KSR2: variants seen among roughly 807,000 people sequenced by gnomAD.
The protein encoded by KSR2 is kinase suppressor of ras 2.
KSR2 carries 25 observed loss-of-function variants against 107.8 expected under a neutral mutation model. The observed-to-expected ratio is 0.23, with a 90% CI of 0.17 to 0.32. The LOEUF is 0.32. KSR2 is among the 10% of genes least tolerant of loss of function. The probability of loss-of-function intolerance (pLI) is 1.00; values close to 1 mark genes in which losing one functional copy is unlikely to be tolerated. For synonymous variants in KSR2, 480 were observed against 507.0 expected, an observed-to-expected ratio of 0.95 and a Z score of 0.71; for missense variants, 887 against 1,268.9, an observed-to-expected ratio of 0.70 and a Z score of 4.57.
rs971228027 is a variant in KSR2 at position 117,578,997 on chromosome 12, A to G, written c.1325+122T>C. 4 of 744,414 alleles carry G rather than the reference A, an allele frequency of 5.4e-6. No homozygotes were observed. In the Admixed American group the frequency reaches 6.6e-5, roughly 12 times the overall value. The allele number at this position is 744,414 out of a possible 1,614,324, so 46.1% of individuals were successfully genotyped here. A position where few individuals can be genotyped will look rare whatever the true frequency, so the allele number is the denominator to read the frequency against. ...GTGCATTTCCAATCTATTTCTGAAA[A>G]ACAAAGCAAACAACTCTCCCAAGAG... On this transcript the variant is annotated intron_variant, in intron 7 of 19. Coordinates refer to ENST00000339824, the MANE Select transcript of KSR2 (RefSeq NM_173598.6).
intron 3 of KSR2, among the ~76,000 whole-genome samples, chr12:117,835,455 G>C (rs1003078686): frequency 1.4e-4 from 21 of 152,110 alleles, no homozygotes; most frequent in African/African-American, 4.8e-4. Flanking sequence ...GGTTTTCTGT[G>C]CTTTACAGAA....
chr12:117,558,154 A>C (rs1592991290), intron 8 of KSR2, among the ~76,000 whole-genome samples: 1 of 152,170 alleles, frequency 6.6e-6, no homozygotes, highest in African/African-American at 2.4e-5. Flanking sequence ...ATGGAAAAAC[A>C]CCCAGCCAGT....
chr12:117,946,666 A>G (rs1252144311), intron 1 of KSR2, among the ~76,000 whole-genome samples: 1 of 152,164 alleles, frequency 6.6e-6, no homozygotes, highest in African/African-American at 2.4e-5. Context: ...AGGCAGTACA[A>G]AAAAGGAAAA....
intron 3 of KSR2, among the ~76,000 whole-genome samples, chr12:117,800,380 G>GCC (rs780651596): frequency 6.6e-6 from 1 of 151,548 alleles, no homozygotes; most frequent in African/African-American, 2.4e-5. Context: ...TAATTATTCT[G>GCC]CCCCCCCCAA....
At chr12:117,793,928 A>AC (rs1333398244) in intron 3 of KSR2, among the ~76,000 whole-genome samples, 1 of 140,108 alleles carries the variant, frequency 7.1e-6, no homozygotes, top group Non-Finnish European at 1.5e-5. Context: ...ATGCACACAC[A>AC]CCATGCACAC....
intron 1 of KSR2, among the ~76,000 whole-genome samples, chr12:117,930,324 G>A (rs541954417): frequency 8.5e-5 from 13 of 152,176 alleles, no homozygotes; most frequent in East Asian, 7.7e-4. Context: ...ATGAGCCACC[G>A]CACCCAGCCA....
chr12:117,809,210 A>C (rs1257396964), intron 3 of KSR2, among the ~76,000 whole-genome samples: 1 of 152,234 alleles, frequency 6.6e-6, no homozygotes, highest in African/African-American at 2.4e-5. Context: ...AGAGGGGCTT[A>C]GATGTGCTGT....
At chr12:117,747,057 T>C (rs1888434577) in intron 4 of KSR2, among the ~76,000 whole-genome samples, 1 of 152,156 alleles carries the variant, frequency 6.6e-6, no homozygotes, top group South Asian at 2.1e-4. Context: ...AGAAATACCA[T>C]TTGACCCAGC....
At chr12:117,793,112 G>A (rs1257726861) in intron 3 of KSR2, among the ~76,000 whole-genome samples, 2 of 80,698 alleles carry the variant, frequency 2.5e-5, no homozygotes, top group South Asian at 4.9e-4. Context: ...ACACCAACGT[G>A]CACACAAACA....
chr12:117,681,424 A>G (rs546128639), intron 4 of KSR2, among the ~76,000 whole-genome samples: 5 of 152,316 alleles, frequency 3.3e-5, no homozygotes, highest in African/African-American at 1.2e-4. Flanking sequence ...AAAGATTTGA[A>G]GGAAGAAGGA....
chr12:117,540,684 T>C (rs1295855849), intron 9 of KSR2, among the ~76,000 whole-genome samples: 1 of 147,258 alleles, frequency 6.8e-6, no homozygotes, highest in East Asian at 1.9e-4. Flanking sequence ...AGGAAAGTCA[T>C]GTGAAGATGG....
intron 14 of KSR2, among the ~76,000 whole-genome samples, chr12:117,497,363 TA>T (rs2137167936): frequency 6.6e-6 from 1 of 152,228 alleles, no homozygotes; most frequent in Non-Finnish European, 1.5e-5. Flanking sequence ...ATCACCAGGG[TA>T]GGTACCTAAG....
At chr12:117,856,661 G>A (rs956843807) in intron 2 of KSR2, among the ~76,000 whole-genome samples, 2 of 152,026 alleles carry the variant, frequency 1.3e-5, no homozygotes, top group African/African-American at 4.8e-5. Flanking sequence ...ATTTTTAGTA[G>A]AGACAGGGTT....
intron 16 of KSR2, among the ~76,000 whole-genome samples, chr12:117,477,361 G>T (rs1218349088): frequency 1.3e-5 from 2 of 152,202 alleles, no homozygotes; most frequent in African/African-American, 4.8e-5. Context: ...ACATTTCAGT[G>T]AATCCACAAA....
intron 3 of KSR2, among the ~76,000 whole-genome samples, chr12:117,833,630 A>G (rs561776275): frequency 6.6e-6 from 1 of 152,242 alleles, no homozygotes; most frequent in African/African-American, 2.4e-5. Flanking sequence ...AAGCCTCCCA[A>G]GTCACTGGGA....
At chr12:117,608,117 T>C (rs1314657804) in intron 5 of KSR2, among the ~76,000 whole-genome samples, 2 of 152,228 alleles carry the variant, frequency 1.3e-5, no homozygotes, top group African/African-American at 4.8e-5. Flanking sequence ...GAATTCCAGC[T>C]CTGCTGCTTA....
At chr12:117,906,402 A>T (rs143117692) in intron 1 of KSR2, among the ~76,000 whole-genome samples, 17 of 148,964 alleles carry the variant, frequency 1.1e-4, no homozygotes, top group Non-Finnish European at 2.1e-4. Context: ...TGAGATCAGG[A>T]GTTCGAGACC....
At chr12:117,716,799 G>A (rs918996007) in intron 4 of KSR2, among the ~76,000 whole-genome samples, 17 of 152,170 alleles carry the variant, frequency 1.1e-4, no homozygotes, top group Non-Finnish European at 1.5e-5. Flanking sequence ...AACCATGCAG[G>A]GTTGTGATGT....
At chr12:117,518,732 T>G (rs944651880) in intron 14 of KSR2, among the ~76,000 whole-genome samples, 2 of 152,208 alleles carry the variant, frequency 1.3e-5, no homozygotes, top group Non-Finnish European at 2.9e-5. Flanking sequence ...GCAGCCCCTT[T>G]CTATAGCTCC....
Sources: gnomAD v4.1 joint callset for allele counts (sites outside exome capture counted in the v4.1 genomes callset) on GRCh38, gnomAD v4.1.1 for gene constraint, MANE v1.5 for transcripts, NCBI Gene and HGNC (gene_info 2026-07-23, HGNC 2026-07-21) for gene names.